The following CRTAC1 variants were observed in gnomAD, a reference collection of about 807,000 sequenced individuals.
CRTAC1 encodes the protein cartilage acidic protein 1, also known as acidic secreted protein in cartilage.
CRTAC1 carries 37 observed loss-of-function variants against 67.8 expected under a neutral mutation model. The ratio of observed to expected loss-of-function variants is 0.55; its 90% CI spans 0.42 to 0.72. The LOEUF (loss-of-function observed/expected upper bound fraction) is 0.72, where lower values mean the gene tolerates loss of function less well. Ranked by LOEUF, CRTAC1 falls within the 30% of genes least tolerant of loss-of-function variation. The probability of loss-of-function intolerance (pLI) is 0.00; values close to 1 mark genes in which losing one functional copy is unlikely to be tolerated. For missense variants in CRTAC1, 780 were observed against 931.6 expected, an observed-to-expected ratio of 0.84 and a Z score of 2.12; for synonymous variants, 348 against 371.0, an observed-to-expected ratio of 0.94 and a Z score of 0.71.
At chr10:97,956,575 A>G (rs2051445303) in intron 2 of CRTAC1, among the ~76,000 whole-genome samples, 1 of 146,148 alleles carries the variant, frequency 6.8e-6, no homozygotes, top group African/African-American at 2.4e-5. Flanking sequence ...TAAGCAAAGC[A>G]AAACAAAACA....
At chr10:97,884,838 T>A (rs1321752539) in intron 11 of CRTAC1, among the ~76,000 whole-genome samples, 1 of 152,186 alleles carries the variant, frequency 6.6e-6, no homozygotes, top group African/African-American at 2.4e-5. Flanking sequence ...GGCATTCAAA[T>A]CATGGCTCTA....
intron 2 of CRTAC1, among the ~76,000 whole-genome samples, chr10:97,940,913 A>G (rs1312870138): frequency 6.6e-6 from 1 of 152,170 alleles, no homozygotes; most frequent in Non-Finnish European, 1.5e-5. Context: ...GATCATGTTG[A>G]TATTTCCAAA....
intron 2 of CRTAC1, among the ~76,000 whole-genome samples, chr10:97,976,477 C>T (rs2051805479): frequency 6.6e-6 from 1 of 152,192 alleles, no homozygotes; most frequent in South Asian, 2.1e-4. Context: ...AAGTGGGAAT[C>T]ACATGCATCA....
rs552315287 is a variant in CRTAC1, at chr10:97,986,214, C to T, written c.224+24924G>A. Among the ~76,000 whole-genome samples, 21 of 152,258 alleles carry T rather than the reference C, an allele frequency of 1.4e-4. No individual in the cohort carries two copies. In the South Asian group the frequency reaches 3.5e-3, roughly 26 times the overall value. On this transcript the variant is annotated intron_variant, in intron 2 of 14. Transcript: ENST00000370597. Reference sequence around the variant, plus strand: ...GCTCCCAAACAGACTGCCACCACACCGGGGAGAGGAGAGCTCTAGCATTTG... The same window carrying T: ...GCTCCCAAACAGACTGCCACCACACTGGGGAGAGGAGAGCTCTAGCATTTG...
chr10:97,878,722 C>G (rs919053563), intron 14 of CRTAC1: 1 of 1,302,588 alleles, frequency 7.7e-7, no homozygotes, highest in Non-Finnish European at 1.0e-6. Context: ...ATGAGCCAGG[C>G]CTATGTCCAG....
intron 1 of CRTAC1, among the ~76,000 whole-genome samples, chr10:98,025,735 G>C (rs1843218836): frequency 6.6e-6 from 1 of 152,216 alleles, no homozygotes; most frequent in Non-Finnish European, 1.5e-5. Context: ...TGTATCTGCA[G>C]CCTGCAGGAG....
chr10:97,886,331 G>T (rs1564877840), intron 11 of CRTAC1, among the ~76,000 whole-genome samples: 1 of 152,208 alleles, frequency 6.6e-6, no homozygotes. Flanking sequence ...GAGCCTATGA[G>T]GGCCAGGACC....
At position 97,952,449 on chromosome 10, in the gene CRTAC1, A is replaced by T. The variant is rs201577256; in HGVS notation, c.225-16083T>A. On this transcript the variant is annotated intron_variant, in intron 2 of 14. Transcript: ENST00000370597. ...GCTACTTGGGAGGCTGAGGCAGAAG[A>T]ATTGCTTAAACCTGGGAGATGGAGG... Among the ~76,000 whole-genome samples the T allele has an allele frequency of 2.8e-4, 42 of 151,052 alleles. No individual in the cohort carries two copies. The East Asian group carries it at 7.6e-3, about 27-fold the overall frequency.
At chr10:97,997,412 C>T (rs1362816976) in intron 2 of CRTAC1, among the ~76,000 whole-genome samples, 1 of 141,252 alleles carries the variant, frequency 7.1e-6, no homozygotes, top group South Asian at 2.2e-4. Context: ...GAGATACTGC[C>T]ACTGCACTCC....
Position 97,908,131 on chromosome 10 carries a change from G to A in CRTAC1, c.732C>T (p.Ser244=), listed in dbSNP as rs562568395. Residue 244 remains serine (S), a synonymous_variant, in exon 6 of 15, where the codon AGC becomes AGT. Coordinates refer to ENST00000370597, the MANE Select transcript of CRTAC1 (RefSeq NM_018058.7). ...CACTGCTGCTGAGGATGGGGCCCACGCTGACGCCTCGGCCCCCTAGAAAAG... is the reference window on the plus strand; with the variant it reads ...CACTGCTGCTGAGGATGGGGCCCACACTGACGCCTCGGCCCCCTAGAAAAG... ...VSKYTGGRGV[S]VGPILSSSAS... is the part of the protein sequence containing the mutation. The A allele has an allele frequency of 1.5e-4, 249 of 1,614,072 alleles. 2 individuals are homozygous for A. The highest frequency in any genetic ancestry group is 1.5e-3 in the South Asian group (137 of 91,082).
chr10:97,949,225 G>A (rs1017193372), intron 2 of CRTAC1, among the ~76,000 whole-genome samples: 1 of 152,156 alleles, frequency 6.6e-6, no homozygotes, highest in Non-Finnish European at 1.5e-5. Context: ...GGTAAACAGG[G>A]CCTGAAGGAT....
At chr10:97,914,139 C>A (rs889246219) in intron 5 of CRTAC1, among the ~76,000 whole-genome samples, 6 of 152,200 alleles carry the variant, frequency 3.9e-5, no homozygotes, top group African/African-American at 1.2e-4. Flanking sequence ...GGAGGCAGGG[C>A]AGGCAGGAAG....
chr10:97,886,991 C>A (rs903929133), intron 11 of CRTAC1, among the ~76,000 whole-genome samples: 1 of 151,268 alleles, frequency 6.6e-6, no homozygotes, highest in African/African-American at 2.4e-5. Context: ...TCTTGAGGCG[C>A]AAGAGATTTG....
Position 97,865,440 on chromosome 10 carries a change from A to G in CRTAC1, c.*108T>C. The stretch of plus-strand genomic sequence containing the variant: ...GTAATGTGCATGGATGGGCTTGGGG[A>G]GGGTCTAGCTCCCAGGCCTTTACAT... On this transcript the variant is annotated 3_prime_UTR_variant, in exon 15 of 15. Coordinates refer to ENST00000370597, the MANE Select transcript of CRTAC1 (RefSeq NM_018058.7). 1.5e-6 allele frequency: 2 copies of G among 1,331,032 alleles called. No individual in the cohort carries two copies. Among genetic ancestry groups the G allele is most frequent in the Non-Finnish European group, 2.0e-6 (2 of 981,778 alleles). The allele number at this position is 1,331,032 out of a possible 1,614,324, so 82.5% of individuals were successfully genotyped here.
At chr10:98,017,700 ATTT>A (rs397846855) in intron 1 of CRTAC1, among the ~76,000 whole-genome samples, 17 of 129,130 alleles carry the variant, frequency 1.3e-4, no homozygotes, top group African/African-American at 2.5e-4. Flanking sequence ...ACTCCTGGCT[ATTT>A]TTTTTTTTTT....
intron 2 of CRTAC1, among the ~76,000 whole-genome samples, chr10:98,004,251 C>G (rs1380922911): frequency 1.3e-5 from 2 of 152,146 alleles, no homozygotes; most frequent in Non-Finnish European, 2.9e-5. Flanking sequence ...TTAGAGCAGG[C>G]CCTTTCAGCA....
intron 14 of CRTAC1, chr10:97,869,787 T>C (rs897701419): frequency 3.3e-5 from 5 of 152,272 alleles, no homozygotes; most frequent in African/African-American, 1.2e-4. Flanking sequence ...AGGTGGAGTC[T>C]GGTGACTTTC....
chr10:98,026,626 T>A (rs1843238167), intron 1 of CRTAC1, among the ~76,000 whole-genome samples: 2 of 152,136 alleles, frequency 1.3e-5, no homozygotes, highest in Non-Finnish European at 2.9e-5. Context: ...CACGTGATCC[T>A]GCACCTCCCT....
At chr10:98,011,764 A>G (rs1177197186) in intron 1 of CRTAC1, among the ~76,000 whole-genome samples, 1 of 152,012 alleles carries the variant, frequency 6.6e-6, no homozygotes, top group Non-Finnish European at 1.5e-5. Context: ...CATTTATTTC[A>G]TATTTGTGGA....
Sources: gnomAD v4.1 joint callset for allele counts (sites outside exome capture counted in the v4.1 genomes callset) on GRCh38, gnomAD v4.1.1 for gene constraint, MANE v1.5 for transcripts, NCBI Gene and HGNC (gene_info 2026-07-23, HGNC 2026-07-21) for gene names.